The following ARHGEF10L variants were observed in gnomAD, a reference collection of about 807,000 sequenced individuals.
ARHGEF10L encodes rho guanine nucleotide exchange factor 10-like protein.
In ARHGEF10L, 69 loss-of-function variants were observed where a neutral mutation model predicts 141.2. The ratio of observed to expected loss-of-function variants is 0.49; its 90% CI spans 0.40 to 0.60. ARHGEF10L has a LOEUF of 0.60. Ranked by LOEUF, ARHGEF10L falls within the 20% of genes least tolerant of loss-of-function variation. The pLI, the probability that ARHGEF10L is intolerant of heterozygous loss-of-function variation, is 0.00. For synonymous variants in ARHGEF10L, 711 were observed against 718.5 expected (o/e 0.99, Z 0.17); for missense variants, 1,482 against 1,734.3 (o/e 0.85, Z 2.58).
intron 15 of ARHGEF10L, among the ~76,000 whole-genome samples, chr1:17,629,070 G>A (rs866708532): frequency 3.3e-5 from 5 of 152,136 alleles, no homozygotes; most frequent in African/African-American, 9.7e-5. Flanking sequence ...GCCCAGGCTG[G>A]AGTACAGTGG....
intron 4 of ARHGEF10L, among the ~76,000 whole-genome samples, chr1:17,589,491 G>A (rs571385866): frequency 6.6e-6 from 1 of 152,346 alleles, no homozygotes; most frequent in African/African-American, 2.4e-5. Flanking sequence ...CTGAGCAAGA[G>A]GGGCTAATTC....
chr1:17,528,878 C>A, the ARHGEF10L span, among the ~76,000 whole-genome samples: 3 of 152,114 alleles, frequency 2.0e-5, no homozygotes, highest in East Asian at 5.8e-4. Context: ...ATTGTGTTTC[C>A]ATGGGATAAT....
chr1:17,588,619 GC>G (rs1244726024), intron 4 of ARHGEF10L, 140 bp downstream of exon 4: 1 of 1,042,736 alleles, frequency 9.6e-7, no homozygotes, highest in Admixed American at 2.3e-5. Context: ...GAGGCCCTGT[GC>G]CCTGGGGGAA....
At chr1:17,666,311 A>G (rs1264139709) in intron 26 of ARHGEF10L, among the ~76,000 whole-genome samples, 2 of 152,166 alleles carry the variant, frequency 1.3e-5, no homozygotes, top group South Asian at 2.1e-4. Flanking sequence ...CCAGGAGATA[A>G]TTGATCAGCA....
intron 26 of ARHGEF10L, among the ~76,000 whole-genome samples, chr1:17,674,405 C>T (rs1437361173): frequency 6.6e-6 from 1 of 152,200 alleles, no homozygotes; most frequent in African/African-American, 2.4e-5. Flanking sequence ...CAGCACAGGT[C>T]CTGCAGAGCA....
chr1:17,634,810 G>C, intron 17 of ARHGEF10L, 25 bp from the exon 18 acceptor site: 1 of 1,596,446 alleles, frequency 6.3e-7, no homozygotes, highest in Non-Finnish European at 8.5e-7. Context: ...GCCTCTCCAG[G>C]GCCTTGTCCT....
At chr1:17,637,610 TGCCTCAGCCTCCTGA>T (rs1390706948) in intron 18 of ARHGEF10L, among the ~76,000 whole-genome samples, 4 of 152,198 alleles carry the variant, frequency 2.6e-5, no homozygotes, top group African/African-American at 9.7e-5. Context: ...GTCATTCTCC[TGCCTCAGCCTCCTGA>T]GTAGCTGGTA....
intron 4 of ARHGEF10L, among the ~76,000 whole-genome samples, chr1:17,594,361 G>A (rs1339992519): frequency 1.3e-5 from 2 of 152,162 alleles, no homozygotes; most frequent in Non-Finnish European, 2.9e-5. Context: ...CAGAACCTGT[G>A]TTCTAATCCC....
At chr1:17,556,308 A>T (rs1392236362) in intron 1 of ARHGEF10L, among the ~76,000 whole-genome samples, 1 of 76,696 alleles carries the variant, frequency 1.3e-5, no homozygotes, top group East Asian at 3.9e-4. Context: ...CGGGCCTGGG[A>T]GCACGGGGGT....
intron 27 of ARHGEF10L, among the ~76,000 whole-genome samples, chr1:17,690,080 G>A (rs1056387735): frequency 2.0e-5 from 3 of 152,210 alleles, no homozygotes; most frequent in Admixed American, 1.3e-4. Context: ...GTCTGCTATC[G>A]CAGTGCTGAT....
At chr1:17,568,906 C>T (rs2077876770) in intron 1 of ARHGEF10L, among the ~76,000 whole-genome samples, 1 of 152,140 alleles carries the variant, frequency 6.6e-6, no homozygotes, top group Non-Finnish European at 1.5e-5. Context: ...CCCCCAACAC[C>T]TCCAGCCCAG....
At chr1:17,521,908 G>A in the ARHGEF10L span, among the ~76,000 whole-genome samples, 2 of 152,106 alleles carry the variant, frequency 1.3e-5, no homozygotes, top group Non-Finnish European at 2.9e-5. Flanking sequence ...GGGCTGAAAT[G>A]TCACTATCCA....
chr1:17,527,968 A>C, the ARHGEF10L span, among the ~76,000 whole-genome samples: 1 of 150,980 alleles, frequency 6.6e-6, no homozygotes, highest in Non-Finnish European at 1.5e-5. Flanking sequence ...TCCTGGGTTC[A>C]AGCGATTCTC....
At chr1:17,591,052 G>T (rs2079498012) in intron 4 of ARHGEF10L, among the ~76,000 whole-genome samples, 1 of 152,088 alleles carries the variant, frequency 6.6e-6, no homozygotes, top group African/African-American at 2.4e-5. Flanking sequence ...ACCCCCAAAT[G>T]AATGGCATGT....
At chr1:17,593,368 C>T (rs546482100) in intron 4 of ARHGEF10L, among the ~76,000 whole-genome samples, 2 of 152,178 alleles carry the variant, frequency 1.3e-5, no homozygotes, top group Non-Finnish European at 2.9e-5. Context: ...TCCCCAGCAC[C>T]TGTGAATCTG....
At chr1:17,584,275 G>A (rs531856182) in intron 2 of ARHGEF10L, among the ~76,000 whole-genome samples, 1 of 152,218 alleles carries the variant, frequency 6.6e-6, no homozygotes, top group East Asian at 1.9e-4. Context: ...AAGCTTTTGA[G>A]CTGAAGCCAT....
At position 17,672,528 on chromosome 1, in the gene ARHGEF10L, T is replaced by A. The variant is rs1163288615; in HGVS notation, c.3009+7933T>A. ...CCAGAGCATGCAGGGTCTCGCGTCC[T>A]ATCACTGCATGGAGTCGGCTCTGCT... On this transcript the variant is annotated intron_variant, in intron 26 of 28. Coordinates refer to ENST00000361221, the MANE Select transcript of ARHGEF10L (RefSeq NM_018125.4). Among the ~76,000 whole-genome samples, 2 of 152,194 alleles carry A rather than the reference T, an allele frequency of 1.3e-5. 1 individual carries two copies. Among genetic ancestry groups the A allele is most frequent in the Non-Finnish European group, 2.9e-5 (2 of 68,034 alleles).
intron 9 of ARHGEF10L, chr1:17,618,269 C>G: frequency 7.3e-7 from 1 of 1,373,490 alleles, no homozygotes; most frequent in Non-Finnish European, 9.6e-7. Context: ...CCCACCCCGC[C>G]CACAAGCCCA....
At chr1:17,593,552 A>G (rs2079786363) in intron 4 of ARHGEF10L, among the ~76,000 whole-genome samples, 1 of 152,072 alleles carries the variant, frequency 6.6e-6, no homozygotes, top group Non-Finnish European at 1.5e-5. Flanking sequence ...CTGGCCTTGG[A>G]AATGGAGGAC....
Sources: gnomAD v4.1 joint callset for allele counts (sites outside exome capture counted in the v4.1 genomes callset) on GRCh38, gnomAD v4.1.1 for gene constraint, MANE v1.5 for transcripts, NCBI Gene and HGNC (gene_info 2026-07-23, HGNC 2026-07-21) for gene names.